Variants in NHS observed in about 807,000 individuals in gnomAD.
NHS encodes actin remodeling regulator NHS.
Under a neutral mutation model 72.5 loss-of-function variants are expected in NHS, and 5 were observed. The ratio of observed to expected loss-of-function variants is 0.07; its 90% confidence interval spans 0.04 to 0.14. The LOEUF is 0.14. Among genes scored for constraint, NHS ranks in the 10% least tolerant of loss-of-function variants. NHS has a pLI of 1.00. For synonymous variants in NHS, 464 were observed against 547.7 expected (o/e 0.85, Z 2.13); for missense variants, 1,072 against 1,355.7 (o/e 0.79, Z 3.29).
intron 1 of NHS, among the ~76,000 whole-genome samples, chrX:17,622,878 C>G: frequency 9.0e-6 from 1 of 110,858 alleles, no homozygotes; most frequent in Non-Finnish European, 1.9e-5. Context: ...CACGGGCGGG[C>G]CAATGCCTGG....
chrX:17,542,689 CAGAG>C (rs746365760), intron 1 of NHS, among the ~76,000 whole-genome samples: 59 of 105,077 alleles, frequency 5.6e-4, no homozygotes, highest in African/African-American at 1.4e-3. Flanking sequence ...GTCCTGAATC[CAGAG>C]AGAGAGAGAG....
chrX:17,491,072 C>T (rs1027961456), intron 1 of NHS, among the ~76,000 whole-genome samples: 4 of 111,981 alleles, frequency 3.6e-5, no homozygotes, highest in African/African-American at 9.7e-5. Flanking sequence ...CATCTGCAAA[C>T]AGAGACAATT....
intron 1 of NHS, among the ~76,000 whole-genome samples, chrX:17,615,753 A>T (rs948815936): frequency 9.1e-6 from 1 of 109,344 alleles, no homozygotes; most frequent in African/African-American, 3.3e-5. Flanking sequence ...TCCTTGGCTC[A>T]GCTGTTTACA....
intron 1 of NHS, among the ~76,000 whole-genome samples, chrX:17,502,078 T>TAGAATAGCA (rs2065038567): frequency 8.9e-6 from 1 of 112,098 alleles, no homozygotes; most frequent in Non-Finnish European, 1.9e-5. Flanking sequence ...TAAGTGCTAT[T>TAGAATAGCA]CTAAATTGTA....
At chrX:17,472,626 T>TA (rs779167586) in intron 1 of NHS, among the ~76,000 whole-genome samples, 1 of 112,491 alleles carries the variant, frequency 8.9e-6, no homozygotes, top group South Asian at 3.7e-4. Flanking sequence ...TGTTTATCTC[T>TA]AAGTGCTGTT....
intron 1 of NHS, among the ~76,000 whole-genome samples, chrX:17,456,272 G>A (rs1569258278): frequency 8.9e-6 from 1 of 111,741 alleles, no homozygotes; most frequent in African/African-American, 3.3e-5. Context: ...ATTATAAAAT[G>A]AAGTCCATTT....
At chrX:17,405,362 G>C (rs1194746703) in intron 1 of NHS, among the ~76,000 whole-genome samples, 1 of 112,191 alleles carries the variant, frequency 8.9e-6, no homozygotes, top group African/African-American at 3.2e-5. Context: ...CATGCCACCA[G>C]TTAGTGCCTG....
At chrX:17,706,388 G>A (rs1384342615) in intron 3 of NHS, among the ~76,000 whole-genome samples, 1 of 110,929 alleles carries the variant, frequency 9.0e-6, no homozygotes, top group Non-Finnish European at 1.9e-5. Context: ...GATATACTAT[G>A]GCTATGTAAG....
chrX:17,597,940 G>T (rs973805412), intron 1 of NHS, among the ~76,000 whole-genome samples: 2 of 111,418 alleles, frequency 1.8e-5, no homozygotes, highest in Non-Finnish European at 3.8e-5. Context: ...TTCTAGGAGG[G>T]TAGGACACTC....
intron 1 of NHS, among the ~76,000 whole-genome samples, chrX:17,382,175 T>A (rs1187179791): frequency 2.7e-5 from 3 of 111,966 alleles, no homozygotes; most frequent in Non-Finnish European, 3.8e-5. Flanking sequence ...TATAGGTAAA[T>A]CATGTGTCGT....
chrX:17,602,281 G>A (rs2065654198), intron 1 of NHS, among the ~76,000 whole-genome samples: 1 of 112,162 alleles, frequency 8.9e-6, no homozygotes, highest in Non-Finnish European at 1.9e-5. Context: ...GTGATAATCT[G>A]AGAAATCATT....
intron 1 of NHS, among the ~76,000 whole-genome samples, chrX:17,679,736 T>C (rs1229088137): frequency 9.1e-6 from 1 of 110,434 alleles, no homozygotes; most frequent in African/African-American, 3.3e-5. Context: ...AGTTATTTGC[T>C]CTGGAAAACT....
intron 1 of NHS, among the ~76,000 whole-genome samples, chrX:17,634,306 G>T (rs1329848980): frequency 8.9e-6 from 1 of 112,527 alleles, no homozygotes; most frequent in Admixed American, 9.4e-5. Context: ...AGGAGCAGAA[G>T]TATCCAATAC....
intron 1 of NHS, among the ~76,000 whole-genome samples, chrX:17,549,670 A>G: frequency 8.9e-6 from 1 of 111,877 alleles, no homozygotes; most frequent in Non-Finnish European, 1.9e-5. Context: ...ACAGTCTCTT[A>G]CAGAAATGGG....
At chrX:17,607,970 G>T (rs545314324) in intron 1 of NHS, among the ~76,000 whole-genome samples, 4 of 99,114 alleles carry the variant, frequency 4.0e-5, no homozygotes, top group Non-Finnish European at 8.0e-5. Flanking sequence ...CCACGCTGGC[G>T]TTCAGTGGCA....
In NHS at chrX:17,588,953, G is replaced by A. The variant is rs766192892; in HGVS notation, c.566-98789G>A. On this transcript the variant is annotated intron_variant, in intron 1 of 8. Coordinates refer to ENST00000676302, the MANE Select transcript of NHS (RefSeq NM_001291867.2). ...AGCCAAACTTTGTCATTTTCTTGCTGTGTGACCTTGAGAAGACACAACATC... is the reference window on the plus strand; with the variant it reads ...AGCCAAACTTTGTCATTTTCTTGCTATGTGACCTTGAGAAGACACAACATC... Among the ~76,000 whole-genome samples the A allele has an allele frequency of 4.5e-5, 5 of 111,646 alleles. No homozygotes were observed. The South Asian group carries it at 1.9e-3, about 42-fold the overall frequency.
intron 1 of NHS, among the ~76,000 whole-genome samples, chrX:17,494,126 T>G (rs1280168984): frequency 5.1e-5 from 5 of 98,223 alleles, no homozygotes; most frequent in Admixed American, 2.3e-4. Flanking sequence ...TCACCCAGGC[T>G]GTAGTGCAGT....
rs755884884 is a variant in NHS at position 17,523,579 on chromosome X, G to T, written c.565+147257G>T. On this transcript the variant is annotated intron_variant, in intron 1 of 8. Coordinates refer to ENST00000676302, the MANE Select transcript of NHS (RefSeq NM_001291867.2). Reference sequence around the variant, plus strand: ...TCCAGAGGCAGAGCCAGTAGTGGGGGCAGTCTCCCCAGATGAGCTGACCTC... The same window carrying T: ...TCCAGAGGCAGAGCCAGTAGTGGGGTCAGTCTCCCCAGATGAGCTGACCTC... Among the ~76,000 whole-genome samples, 3 of 111,986 alleles carry T rather than the reference G, an allele frequency of 2.7e-5. No individual in the cohort carries two copies. In the South Asian group the frequency reaches 1.1e-3, roughly 42 times the overall value.
intron 1 of NHS, among the ~76,000 whole-genome samples, chrX:17,380,193 T>TC (rs1354810595): frequency 9.0e-6 from 1 of 111,284 alleles, no homozygotes; most frequent in Non-Finnish European, 1.9e-5. Context: ...TGGGGAGAAG[T>TC]CAACTTGGTC....
Sources: gnomAD v4.1 joint callset for allele counts (sites outside exome capture counted in the v4.1 genomes callset) on GRCh38, gnomAD v4.1.1 for gene constraint, MANE v1.5 for transcripts, NCBI Gene and HGNC (gene_info 2026-07-23, HGNC 2026-07-21) for gene names.